Variants in GLRB observed in about 807,000 individuals in gnomAD.
The protein encoded by GLRB is glycine receptor subunit beta.
GLRB carries 33 observed loss-of-function variants against 54.2 expected under a neutral mutation model. That is an observed-to-expected ratio of 0.61 (90% CI 0.46 to 0.81). GLRB has a LOEUF of 0.81. Among genes scored for constraint, GLRB ranks in the 40% least tolerant of loss-of-function variants. GLRB has a pLI of 0.00. For synonymous variants in GLRB, 209 were observed against 208.2 expected (o/e 1.00, Z -0.03); for missense variants, 572 against 584.6 (o/e 0.98, Z 0.22).
At chr4:157,135,760 G>T (rs1222211048) in intron 4 of GLRB, among the ~76,000 whole-genome samples, 3 of 152,222 alleles carry the variant, frequency 2.0e-5, no homozygotes, top group African/African-American at 7.2e-5. Flanking sequence ...AAGATTTTTA[G>T]CAAATAATTT....
At chr4:157,078,760 T>G (rs1734128849) in intron 2 of GLRB, among the ~76,000 whole-genome samples, 1 of 152,028 alleles carries the variant, frequency 6.6e-6, no homozygotes, top group Non-Finnish European at 1.5e-5. Context: ...AAGACAAAGT[T>G]TTGTGGTGTG....
At chr4:157,083,787 T>A (rs2078372984) in intron 2 of GLRB, among the ~76,000 whole-genome samples, 1 of 152,160 alleles carries the variant, frequency 6.6e-6, no homozygotes, top group African/African-American at 2.4e-5. Context: ...GATTTTAAAA[T>A]CTTATTTTTA....
chr4:157,143,008 G>A (rs1254028348), intron 7 of GLRB, among the ~76,000 whole-genome samples: 2 of 152,042 alleles, frequency 1.3e-5, no homozygotes, highest in African/African-American at 4.8e-5. Context: ...TCTTTCTCAA[G>A]GCGGCAAAGG....
At chr4:157,140,659 A>G (rs1017634054) in intron 7 of GLRB, among the ~76,000 whole-genome samples, 1 of 151,946 alleles carries the variant, frequency 6.6e-6, no homozygotes, top group African/African-American at 2.4e-5. Flanking sequence ...CCCTTGCCCA[A>G]GGTCATACAG....
intron 9 of GLRB, among the ~76,000 whole-genome samples, chr4:157,158,275 G>A (rs1006894649): frequency 1.3e-5 from 2 of 152,026 alleles, no homozygotes; most frequent in African/African-American, 4.8e-5. Context: ...CTCCCATTCT[G>A]TAGGTTGCCT....
chr4:157,091,497 C>A (rs1471227010), intron 2 of GLRB: 1 of 152,146 alleles, frequency 6.6e-6, no homozygotes, highest in Non-Finnish European at 1.5e-5. Flanking sequence ...AAGTAAATAA[C>A]ATTTTATTAT....
chr4:157,101,794 CTTGT>C (rs1458741610), intron 2 of GLRB, among the ~76,000 whole-genome samples: 76 of 47,382 alleles, frequency 1.6e-3, no homozygotes, highest in African/African-American at 6.9e-3. Context: ...TAGAGTCAAA[CTTGT>C]TTTTTTTTTT....
At chr4:157,097,226 A>G (rs534587689) in intron 2 of GLRB, among the ~76,000 whole-genome samples, 142 of 152,280 alleles carry the variant, frequency 9.3e-4, no homozygotes, top group Admixed American at 3.9e-3. Context: ...TTTTCTGACT[A>G]GTTTTCTTAT....
intron 2 of GLRB, among the ~76,000 whole-genome samples, chr4:157,082,900 T>C (rs147937316): frequency 1.3e-5 from 2 of 151,486 alleles, no homozygotes; most frequent in African/African-American, 4.8e-5. Flanking sequence ...AGGAAGAACA[T>C]AGCTTAGCAG....
At chr4:157,092,910 G>C (rs79238701) in intron 2 of GLRB, among the ~76,000 whole-genome samples, 1 of 152,152 alleles carries the variant, frequency 6.6e-6, no homozygotes, top group African/African-American at 2.4e-5. Context: ...AGTCACAAAA[G>C]GTAGTAAAAT....
At position 157,171,062 on chromosome 4, in the gene GLRB, T is replaced by G. The variant is rs188807631; in HGVS notation, c.*334T>G. 5.8e-6 allele frequency: 1 copy of G among 172,014 alleles called. No homozygotes were observed. The highest frequency in any genetic ancestry group is 2.4e-5 in the African/African-American group (1 of 42,112). 10.7% of individuals were successfully genotyped at this position (172,014 alleles called of 1,614,324 possible). A position where few individuals can be genotyped will look rare whatever the true frequency, so the allele number is the denominator to read the frequency against. The stretch of plus-strand genomic sequence containing the variant: ...TCTGATAATAAAATGATATGCACGC[T>G]GAATCCTGCTATGGTCACCATTCTA... On this transcript the variant is annotated 3_prime_UTR_variant, in exon 10 of 10. Transcript: ENST00000264428.
intron 8 of GLRB, among the ~76,000 whole-genome samples, chr4:157,144,466 G>T (rs984816181): frequency 6.6e-6 from 1 of 152,126 alleles, no homozygotes; most frequent in African/African-American, 2.4e-5. Flanking sequence ...TTGCTCTCCA[G>T]TTTATTTTTA....
At chr4:157,137,490 A>C (rs1736444290) in intron 6 of GLRB, among the ~76,000 whole-genome samples, 2 of 152,122 alleles carry the variant, frequency 1.3e-5, no homozygotes, top group African/African-American at 2.4e-5. Flanking sequence ...CCTCAAAAAA[A>C]AAAACACAAA....
At chr4:157,120,133 A>T (rs985163069) in intron 2 of GLRB, among the ~76,000 whole-genome samples, 9 of 151,092 alleles carry the variant, frequency 6.0e-5, no homozygotes, top group East Asian at 2.0e-4. Context: ...TGTCGCAAGA[A>T]CAAAAAACCA....
chr4:157,156,676 G>A (rs1378976100), intron 9 of GLRB, among the ~76,000 whole-genome samples: 1 of 151,928 alleles, frequency 6.6e-6, no homozygotes, highest in Non-Finnish European at 1.5e-5. Flanking sequence ...TGGTATGTGT[G>A]TATTTTTTTC....
At chr4:157,153,118 TG>T in intron 9 of GLRB, 108 bp downstream of exon 9, 4 of 987,806 alleles carry the variant, frequency 4.0e-6, no homozygotes, top group Non-Finnish European at 6.3e-6. Context: ...GGCATTTGCT[TG>T]TTTTTCTCTC....
At chr4:157,085,361 CT>C (rs1466410416) in intron 2 of GLRB, among the ~76,000 whole-genome samples, 1 of 152,176 alleles carries the variant, frequency 6.6e-6, no homozygotes. Context: ...CTGCCTTGGC[CT>C]CCTAAAGTAC....
Position 157,168,494 on chromosome 4 carries a change from GA to G in GLRB, c.1198-1929del, listed in dbSNP as rs941318612. 1.9e-4 allele frequency among the ~76,000 whole-genome samples: 28 copies of G among 150,996 alleles called. No individual in the cohort carries two copies. In the South Asian group the frequency reaches 2.1e-3, roughly 11 times the overall value. ...GGTAGTATGATAATGAAACTGTCTA[GA>G]AAAAAAAATCATGCTATTAAATACT... On this transcript the variant is annotated intron_variant, in intron 9 of 9. Coordinates refer to ENST00000264428, the MANE Select transcript of GLRB (RefSeq NM_000824.5).
intron 2 of GLRB, among the ~76,000 whole-genome samples, chr4:157,100,205 A>G (rs1734965520): frequency 6.6e-6 from 1 of 152,198 alleles, no homozygotes; most frequent in Non-Finnish European, 1.5e-5. Context: ...CAAGGTAATG[A>G]ACATCAGTTT....
Sources: allele counts gnomAD v4.1 joint callset (sites outside exome capture counted in the v4.1 genomes callset), GRCh38; gene constraint gnomAD v4.1.1; transcripts MANE v1.5; gene names NCBI Gene and HGNC (gene_info 2026-07-23, HGNC 2026-07-21).